The following SIPA1L1 variants were observed in gnomAD, a reference collection of about 807,000 sequenced individuals.
SIPA1L1 encodes the protein signal-induced proliferation-associated 1-like protein 1.
Under a neutral mutation model 162.7 loss-of-function variants are expected in SIPA1L1, and 26 were observed. That is an observed-to-expected ratio of 0.16 (90% CI 0.12 to 0.22). The LOEUF (loss-of-function observed/expected upper bound fraction) is 0.22, where lower values mean the gene tolerates loss of function less well. SIPA1L1 is among the 10% of genes least tolerant of loss of function. The probability of loss-of-function intolerance (pLI) is 1.00; values close to 1 mark genes in which losing one functional copy is unlikely to be tolerated. For missense variants in SIPA1L1, 1,874 were observed against 2,241.0 expected (o/e 0.84, Z 3.31); for synonymous variants, 829 against 837.4 (o/e 0.99, Z 0.17).
chr14:71,663,591 A>T lies in SIPA1L1; in HGVS notation c.2255+2124A>T, dbSNP rs1218869736. On this transcript the variant is annotated intron_variant, in intron 10 of 23. Coordinates refer to ENST00000381232, the MANE Select transcript of SIPA1L1 (RefSeq NM_001386936.1). Reference sequence around the variant, plus strand: ...GGCTGTGGCCACTGTAATGAACCACACAAGTCTAAACAGACTGCTCAGGGA... The same window carrying T: ...GGCTGTGGCCACTGTAATGAACCACTCAAGTCTAAACAGACTGCTCAGGGA... Among the ~76,000 whole-genome samples, 3 of 152,188 alleles carry T rather than the reference A, an allele frequency of 2.0e-5. 1 individual carries two copies. The highest frequency in any genetic ancestry group is 4.1e-4 in the South Asian group (2 of 4,832).
At chr14:71,411,105 C>A (rs2042372149) in intron 2 of SIPA1L1, among the ~76,000 whole-genome samples, 1 of 152,022 alleles carries the variant, frequency 6.6e-6, no homozygotes, top group Non-Finnish European at 1.5e-5. Flanking sequence ...ACACATCAGA[C>A]TTTTCTTTAG....
intron 2 of SIPA1L1, among the ~76,000 whole-genome samples, chr14:71,336,780 T>A (rs1450731828): frequency 6.6e-6 from 1 of 152,248 alleles, no homozygotes; most frequent in East Asian, 1.9e-4. Flanking sequence ...AGTATTATCC[T>A]GTTTTTCCCT....
At chr14:71,700,209 G>A (rs536125855) in intron 14 of SIPA1L1, among the ~76,000 whole-genome samples, 3 of 152,248 alleles carry the variant, frequency 2.0e-5, no homozygotes, top group Admixed American at 6.5e-5. Flanking sequence ...TAAGTTCAGA[G>A]GTTTAAAAGG....
intron 2 of SIPA1L1, among the ~76,000 whole-genome samples, chr14:71,352,912 T>C (rs1566921649): frequency 6.6e-6 from 1 of 152,208 alleles, no homozygotes; most frequent in Admixed American, 6.5e-5. Flanking sequence ...GATGTTCCAT[T>C]GTGGAAGACT....
At chr14:71,415,622 A>T (rs2042701046) in intron 2 of SIPA1L1, among the ~76,000 whole-genome samples, 1 of 151,860 alleles carries the variant, frequency 6.6e-6, no homozygotes, top group Non-Finnish European at 1.5e-5. Context: ...GTTTTTCTAG[A>T]TATACTTTTT....
chr14:71,572,977 C>A (rs537472750), intron 4 of SIPA1L1, among the ~76,000 whole-genome samples: 1 of 152,144 alleles, frequency 6.6e-6, no homozygotes, highest in Non-Finnish European at 1.5e-5. Flanking sequence ...ATGCTGATTT[C>A]TCATCTTCCA....
intron 3 of SIPA1L1, among the ~76,000 whole-genome samples, chr14:71,520,483 G>A (rs938964834): frequency 4.6e-5 from 7 of 152,154 alleles, no homozygotes; most frequent in African/African-American, 1.7e-4. Flanking sequence ...TCAAAAATTG[G>A]ACTCATCTAT....
At chr14:71,566,196 A>C (rs1227747727) in intron 4 of SIPA1L1, among the ~76,000 whole-genome samples, 1 of 152,234 alleles carries the variant, frequency 6.6e-6, no homozygotes, top group Non-Finnish European at 1.5e-5. Context: ...GAATGATCTT[A>C]GTCACAAAAT....
At chr14:71,697,943 A>C (rs551476911) in intron 13 of SIPA1L1, among the ~76,000 whole-genome samples, 1 of 151,902 alleles carries the variant, frequency 6.6e-6, no homozygotes, top group South Asian at 2.1e-4. Context: ...ACAAAAAAAA[A>C]ACCACAGAAA....
intron 2 of SIPA1L1, among the ~76,000 whole-genome samples, chr14:71,325,758 G>C (rs1366032284): frequency 6.6e-6 from 1 of 152,194 alleles, no homozygotes; most frequent in African/African-American, 2.4e-5. Flanking sequence ...TGCCTCTGGA[G>C]TCTGGGATGA....
At position 71,628,184 on chromosome 14, in the gene SIPA1L1, T is replaced by C. The variant is rs193021281; in HGVS notation, c.1818+3948T>C. On this transcript the variant is annotated intron_variant, in intron 7 of 23. Coordinates refer to ENST00000381232, the MANE Select transcript of SIPA1L1 (RefSeq NM_001386936.1). ...TTAGGAATTTTGTTATTTAATCAAG[T>C]CAGCTTTTAAATAATGTAGAAAATT... 4.0e-3 allele frequency among the ~76,000 whole-genome samples: 608 copies of C among 152,318 alleles called. 24 individuals carry two copies. The East Asian group carries it at 0.092, about 23-fold the overall frequency.
At chr14:71,425,116 T>G (rs2043469325) in intron 2 of SIPA1L1, among the ~76,000 whole-genome samples, 1 of 152,084 alleles carries the variant, frequency 6.6e-6, no homozygotes, top group Non-Finnish European at 1.5e-5. Flanking sequence ...CCACTTTCAT[T>G]TTTGATTTTA....
intron 17 of SIPA1L1, among the ~76,000 whole-genome samples, chr14:71,715,047 T>C (rs1388721984): frequency 1.3e-5 from 2 of 152,256 alleles, no homozygotes; most frequent in African/African-American, 4.8e-5. Flanking sequence ...TCTAAGATTC[T>C]GAGAACATGT....
intron 5 of SIPA1L1, among the ~76,000 whole-genome samples, chr14:71,618,546 G>T (rs2039080075): frequency 6.6e-6 from 1 of 152,120 alleles, no homozygotes; most frequent in South Asian, 2.1e-4. Flanking sequence ...AACTCAACAG[G>T]CCACCCGTGT....
chr14:71,634,068 A>C (rs553859084), intron 7 of SIPA1L1, among the ~76,000 whole-genome samples: 2 of 152,180 alleles, frequency 1.3e-5, no homozygotes, highest in South Asian at 4.1e-4. Flanking sequence ...AAAAAAAAAA[A>C]AACTTGAAAG....
intron 5 of SIPA1L1, among the ~76,000 whole-genome samples, chr14:71,617,652 T>C (rs889364133): frequency 2.0e-5 from 3 of 152,244 alleles, no homozygotes; most frequent in African/African-American, 7.2e-5. Context: ...TTTTTTCTTA[T>C]TATTCTCATG....
intron 7 of SIPA1L1, among the ~76,000 whole-genome samples, chr14:71,625,138 C>T (rs2039839868): frequency 6.6e-6 from 1 of 152,072 alleles, no homozygotes; most frequent in South Asian, 2.1e-4. Flanking sequence ...TATTGAATGT[C>T]ATTTTGTGAC....
intron 2 of SIPA1L1, among the ~76,000 whole-genome samples, chr14:71,433,649 G>A (rs1337804065): frequency 6.6e-6 from 1 of 152,058 alleles, no homozygotes; most frequent in Non-Finnish European, 1.5e-5. Context: ...TGCTGTCCAT[G>A]AGTTTTTTTT....
chr14:71,390,117 T>C (rs1334428518), intron 2 of SIPA1L1, among the ~76,000 whole-genome samples: 2 of 152,198 alleles, frequency 1.3e-5, no homozygotes, highest in African/African-American at 4.8e-5. Flanking sequence ...AAATAAAGTA[T>C]GACAGTGAAA....
Sources: gnomAD v4.1 joint callset for allele counts (sites outside exome capture counted in the v4.1 genomes callset) on GRCh38, gnomAD v4.1.1 for gene constraint, MANE v1.5 for transcripts, NCBI Gene and HGNC (gene_info 2026-07-23, HGNC 2026-07-21) for gene names.